The following CPNE4 variants were observed in gnomAD, a reference collection of about 807,000 sequenced individuals.
CPNE4 encodes copine 4.
Under a neutral mutation model 67.9 loss-of-function variants are expected in CPNE4, and 25 were observed. The ratio of observed to expected loss-of-function variants is 0.37; its 90% CI spans 0.27 to 0.51. The LOEUF (loss-of-function observed/expected upper bound fraction) is 0.51, where lower values mean the gene tolerates loss of function less well. Among genes scored for constraint, CPNE4 ranks in the 20% least tolerant of loss-of-function variants. The pLI, the probability that CPNE4 is intolerant of heterozygous loss-of-function variation, is 0.93. For synonymous variants in CPNE4, 242 were observed against 244.9 expected (o/e 0.99, Z 0.11); for missense variants, 464 against 690.8 (o/e 0.67, Z 3.68).
chr3:131,827,053 CAAA>C (rs527238695), intron 2 of CPNE4, among the ~76,000 whole-genome samples: 1 of 149,026 alleles, frequency 6.7e-6, no homozygotes, highest in African/African-American at 2.5e-5. Context: ...CAAAACAAAA[CAAA>C]AAAAAACAAA....
chr3:131,995,205 C>G (rs1441920919), intron 1 of CPNE4, among the ~76,000 whole-genome samples: 1 of 152,122 alleles, frequency 6.6e-6, no homozygotes, highest in Non-Finnish European at 1.5e-5. Context: ...CACACACACT[C>G]TCACACACTC....
At chr3:132,006,771 T>C (rs932865873) in intron 1 of CPNE4, among the ~76,000 whole-genome samples, 1 of 152,012 alleles carries the variant, frequency 6.6e-6, no homozygotes, top group African/African-American at 2.4e-5. Context: ...AAGGTCACAA[T>C]GGGGCATGAC....
intron 2 of CPNE4, among the ~76,000 whole-genome samples, chr3:131,807,247 A>G (rs1042718046): frequency 6.6e-6 from 1 of 152,194 alleles, no homozygotes; most frequent in Non-Finnish European, 1.5e-5. Flanking sequence ...CAAGCCAGAC[A>G]CTGAAGCACC....
At chr3:131,783,095 GAAGA>G (rs949984771) in intron 2 of CPNE4, among the ~76,000 whole-genome samples, 2 of 152,010 alleles carry the variant, frequency 1.3e-5, no homozygotes, top group Admixed American at 6.6e-5. Flanking sequence ...CCCATAAAAA[GAAGA>G]AAGAAACCAT....
At chr3:131,801,452 G>GTGTGTGTATATATATATA (rs761978890) in intron 2 of CPNE4, among the ~76,000 whole-genome samples, 2 of 53,352 alleles carry the variant, frequency 3.7e-5, no homozygotes, top group African/African-American at 7.8e-5. Flanking sequence ...GTGTGTGTGT[G>GTGTGTGTATATATATATA]TATATATATA....
chr3:131,790,751 T>C (rs1330674860), intron 2 of CPNE4, among the ~76,000 whole-genome samples: 4 of 152,144 alleles, frequency 2.6e-5, no homozygotes, highest in Non-Finnish European at 4.4e-5. Flanking sequence ...TATCATTTAT[T>C]TGAGAAAAAA....
chr3:131,586,829 G>T (rs114884195), intron 8 of CPNE4, among the ~76,000 whole-genome samples: 166 of 152,156 alleles, frequency 1.1e-3, no homozygotes, highest in African/African-American at 3.9e-3. Flanking sequence ...AAGGGGTTTG[G>T]GTTTCTGTGT....
intron 2 of CPNE4, among the ~76,000 whole-genome samples, chr3:131,897,969 T>G (rs1248961795): frequency 6.6e-6 from 1 of 152,014 alleles, no homozygotes; most frequent in Non-Finnish European, 1.5e-5. Flanking sequence ...GTTTTGATAA[T>G]TAAATATGAC....
At chr3:131,644,037 A>G (rs893380241) in intron 7 of CPNE4, among the ~76,000 whole-genome samples, 14 of 152,160 alleles carry the variant, frequency 9.2e-5, no homozygotes, top group African/African-American at 3.4e-4. Context: ...TAATTAAGGT[A>G]CACACTTTTG....
intron 7 of CPNE4, among the ~76,000 whole-genome samples, chr3:131,639,439 A>C (rs1168717748): frequency 1.3e-5 from 2 of 152,146 alleles, no homozygotes; most frequent in Non-Finnish European, 2.9e-5. Context: ...GGAAATATAC[A>C]ACCCTCCTAG....
At chr3:131,803,180 G>A (rs1469273500) in intron 2 of CPNE4, among the ~76,000 whole-genome samples, 2 of 152,144 alleles carry the variant, frequency 1.3e-5, no homozygotes, top group Non-Finnish European at 2.9e-5. Flanking sequence ...CTTGGAATTC[G>A]ACAAATTACA....
upstream of CPNE4, among the ~76,000 whole-genome samples, chr3:132,035,858 T>C (rs2074330401): frequency 6.6e-6 from 1 of 152,232 alleles, no homozygotes; most frequent in African/African-American, 2.4e-5. Flanking sequence ...TGGGATGGTA[T>C]AGAGTGTGTT....
intron 1 of CPNE4, among the ~76,000 whole-genome samples, chr3:131,956,815 T>A (rs997112627): frequency 6.6e-5 from 10 of 152,164 alleles, no homozygotes; most frequent in African/African-American, 2.4e-4. Flanking sequence ...GTATATTCTA[T>A]TACTTAATTT....
intron 11 of CPNE4, 109 bp downstream of exon 11, chr3:131,564,107 A>G: frequency 7.7e-7 from 1 of 1,302,286 alleles, no homozygotes; most frequent in Non-Finnish European, 1.1e-6. Flanking sequence ...TGAAGTCACT[A>G]CATAAGGAGC....
At chr3:131,962,294 C>T (rs1418055459) in intron 1 of CPNE4, among the ~76,000 whole-genome samples, 1 of 152,218 alleles carries the variant, frequency 6.6e-6, no homozygotes, top group African/African-American at 2.4e-5. Flanking sequence ...GATGTCTTTT[C>T]TTTTGCCTTG....
intron 2 of CPNE4, among the ~76,000 whole-genome samples, chr3:131,889,412 T>A (rs1038503522): frequency 2.0e-5 from 3 of 152,232 alleles, no homozygotes; most frequent in Non-Finnish European, 4.4e-5. Flanking sequence ...CTGTGGTGAA[T>A]CCCTGCCTTG....
chr3:131,742,492 T>G (rs1446672856), intron 2 of CPNE4, among the ~76,000 whole-genome samples: 2 of 152,226 alleles, frequency 1.3e-5, no homozygotes, highest in East Asian at 3.8e-4. Context: ...TTTTTGTGCA[T>G]GTATGTGTAT....
At chr3:131,729,761 G>T (rs75180111) in intron 2 of CPNE4, among the ~76,000 whole-genome samples, 3,599 of 152,230 alleles carry the variant, frequency 0.024, 60 homozygotes, top group Non-Finnish European at 0.037. Context: ...ATCATTTCTG[G>T]CTGTCTGGCT....
At chr3:131,544,334 A>C (rs1935693709) in intron 14 of CPNE4, among the ~76,000 whole-genome samples, 1 of 151,960 alleles carries the variant, frequency 6.6e-6, no homozygotes, top group Middle Eastern at 3.2e-3. Context: ...AAAGAATTTC[A>C]TTTTTTTTCT....
Sources: allele counts gnomAD v4.1 joint callset (sites outside exome capture counted in the v4.1 genomes callset), GRCh38; gene constraint gnomAD v4.1.1; transcripts MANE v1.5; gene names NCBI Gene and HGNC (gene_info 2026-07-23, HGNC 2026-07-21).